Variants in SORCS1 observed in about 807,000 individuals in gnomAD.
The protein encoded by SORCS1 is VPS10 domain-containing receptor SorCS1.
Under a neutral mutation model 146.1 loss-of-function variants are expected in SORCS1, and 60 were observed. That is an observed-to-expected ratio of 0.41 (90% CI 0.33 to 0.51). SORCS1 has a LOEUF of 0.51. Among genes scored for constraint, SORCS1 ranks in the 20% least tolerant of loss-of-function variants. The pLI is 0.21. For missense variants in SORCS1, 1,352 were observed against 1,487.6 expected (o/e 0.91, Z 1.50); for synonymous variants, 637 against 584.0 (o/e 1.09, Z -1.31).
chr10:106,666,306 T>C (rs2135422799), intron 17 of SORCS1, among the ~76,000 whole-genome samples: 1 of 152,340 alleles, frequency 6.6e-6, no homozygotes, highest in East Asian at 1.9e-4. Flanking sequence ...ATGGCATTCA[T>C]ATTGGAACAC....
intron 14 of SORCS1, 146 bp from the exon 15 acceptor site, chr10:106,673,131 G>A (rs1229100930): frequency 3.5e-6 from 2 of 568,966 alleles, no homozygotes; most frequent in East Asian, 3.2e-5. Flanking sequence ...TTCATGAAGA[G>A]GGTACTTTTT....
chr10:106,821,933 A>T (rs533466505), intron 3 of SORCS1, among the ~76,000 whole-genome samples: 11 of 152,202 alleles, frequency 7.2e-5, no homozygotes, highest in South Asian at 2.1e-4. Flanking sequence ...AAAAAATAAA[A>T]AAAAAAAAAA....
intron 1 of SORCS1, among the ~76,000 whole-genome samples, chr10:106,985,005 C>T (rs572659725): frequency 1.8e-4 from 28 of 152,036 alleles, no homozygotes; most frequent in African/African-American, 5.5e-4. Context: ...CTGACCAACA[C>T]GGTGAAACCC....
At chr10:106,726,813 G>A (rs1856225064) in intron 6 of SORCS1, among the ~76,000 whole-genome samples, 2 of 151,990 alleles carry the variant, frequency 1.3e-5, no homozygotes, top group Admixed American at 6.6e-5. Context: ...TCGGCCGGGT[G>A]CGGTGGCTCA....
At chr10:106,647,007 GTATA>G (rs57891596) in intron 18 of SORCS1, among the ~76,000 whole-genome samples, 16,670 of 133,468 alleles carry the variant, frequency 0.12, 1,162 homozygotes, top group African/African-American at 0.2. Flanking sequence ...GTTTGTATGT[GTATA>G]TATATATATA....
rs1309489206 is a variant in SORCS1 at position 106,786,695 on chromosome 10, C to G, written c.727-10003G>C. Among the ~76,000 whole-genome samples, 5 of 152,064 alleles carry G rather than the reference C, an allele frequency of 3.3e-5. No individual in the cohort carries two copies. In the East Asian group the frequency reaches 7.7e-4, roughly 23 times the overall value. ...GCACACACACACAAACACACACACA[C>G]AGAAGCAAGCCATATTGAAGATAAG... On this transcript the variant is annotated intron_variant, in intron 3 of 25. Transcript: ENST00000263054.
chr10:106,601,013 G>A (rs1234297926), intron 23 of SORCS1, among the ~76,000 whole-genome samples: 3 of 152,224 alleles, frequency 2.0e-5, no homozygotes, highest in Non-Finnish European at 4.4e-5. Flanking sequence ...GGCTACAGGA[G>A]TGGGGATTTC....
intron 19 of SORCS1, among the ~76,000 whole-genome samples, chr10:106,626,578 G>A (rs1848128190): frequency 6.6e-6 from 1 of 152,102 alleles, no homozygotes; most frequent in African/African-American, 2.4e-5. Flanking sequence ...TTCTTGTTCT[G>A]ACTTGCTTTG....
intron 6 of SORCS1, among the ~76,000 whole-genome samples, chr10:106,713,396 C>T (rs997357329): frequency 5.3e-5 from 8 of 152,206 alleles, no homozygotes; most frequent in African/African-American, 1.4e-4. Context: ...TTGATGCATA[C>T]ACAATTCTTG....
intron 3 of SORCS1, among the ~76,000 whole-genome samples, chr10:106,804,367 A>ATAAAT (rs1374531128): frequency 1.5e-5 from 2 of 133,438 alleles, no homozygotes; most frequent in East Asian, 4.0e-4. Flanking sequence ...ATAAAATAAA[A>ATAAAT]TAAAATAAAA....
intron 4 of SORCS1, among the ~76,000 whole-genome samples, chr10:106,763,570 C>A (rs1668541272): frequency 6.6e-6 from 1 of 152,196 alleles, no homozygotes; most frequent in South Asian, 2.1e-4. Context: ...CACACATGCC[C>A]TGCTACGCCT....
At position 106,850,333 on chromosome 10, in the gene SORCS1, G is replaced by A. The variant is rs572290953; in HGVS notation, c.627-20660C>T. Among the ~76,000 whole-genome samples the A allele has an allele frequency of 3.3e-5, 5 of 152,188 alleles. No individual in the cohort carries two copies. In the East Asian group the frequency reaches 9.7e-4, roughly 30 times the overall value. On this transcript the variant is annotated intron_variant, in intron 2 of 25. Coordinates refer to ENST00000263054, the MANE Select transcript of SORCS1 (RefSeq NM_052918.5). Reference sequence around the variant, plus strand: ...GTCTGAAAAGCGCAATATTCGGGTGGGAGTGACCCGATTTTCCAGGTGCGT... The same window carrying A: ...GTCTGAAAAGCGCAATATTCGGGTGAGAGTGACCCGATTTTCCAGGTGCGT...
At chr10:106,711,581 A>G (rs1390220501) in intron 6 of SORCS1, among the ~76,000 whole-genome samples, 2 of 152,148 alleles carry the variant, frequency 1.3e-5, no homozygotes, top group African/African-American at 2.4e-5. Context: ...CTCAGTAGAC[A>G]ATGGTGGAGA....
chr10:106,764,182 A>G (rs767344081), intron 4 of SORCS1, among the ~76,000 whole-genome samples: 5 of 152,252 alleles, frequency 3.3e-5, no homozygotes, highest in Non-Finnish European at 7.3e-5. Flanking sequence ...CAAGGATTTG[A>G]AAGCAGAGTC....
intron 4 of SORCS1, among the ~76,000 whole-genome samples, chr10:106,775,376 A>T (rs1003071710): frequency 6.6e-6 from 1 of 152,308 alleles, no homozygotes; most frequent in South Asian, 2.1e-4. Flanking sequence ...CAGGAAAAAA[A>T]AATGAATTGT....
chr10:106,993,110 A>C (rs1956842884), intron 1 of SORCS1, among the ~76,000 whole-genome samples: 1 of 152,114 alleles, frequency 6.6e-6, no homozygotes, highest in Non-Finnish European at 1.5e-5. Context: ...GATTACAGGC[A>C]TGAGCCACCA....
chr10:106,736,442 A>T lies in SORCS1; in HGVS notation c.960-6328T>A, dbSNP rs74152233. ...TCATGTTCCCACAGCCCCTCTTCAT[A>T]AACAAAGTCCATGAGGGCAACAGGT... On this transcript the variant is annotated intron_variant, in intron 5 of 25. Transcript: ENST00000263054. Among the ~76,000 whole-genome samples, 442 of 152,222 alleles carry T rather than the reference A, an allele frequency of 2.9e-3. 3 individuals carry two copies. Among genetic ancestry groups the T allele is most frequent in the Non-Finnish European group, 5.4e-3 (367 of 68,014 alleles).
chr10:106,772,921 C>T (rs960938825), intron 4 of SORCS1, among the ~76,000 whole-genome samples: 12 of 152,032 alleles, frequency 7.9e-5, no homozygotes, highest in African/African-American at 2.7e-4. Flanking sequence ...TTAAAAGTCA[C>T]ATGCACTGAA....
chr10:106,904,992 G>A (rs770268135), intron 2 of SORCS1, among the ~76,000 whole-genome samples: 2 of 152,142 alleles, frequency 1.3e-5, no homozygotes, highest in Middle Eastern at 3.4e-3. Flanking sequence ...TGTCAAAAAC[G>A]GAATATAACA....
Sources: gnomAD v4.1 joint callset for allele counts (sites outside exome capture counted in the v4.1 genomes callset) on GRCh38, gnomAD v4.1.1 for gene constraint, MANE v1.5 for transcripts, NCBI Gene and HGNC (gene_info 2026-07-23, HGNC 2026-07-21) for gene names.